The following NPIPB2 variants were observed in gnomAD, a reference collection of about 807,000 sequenced individuals.
The protein encoded by NPIPB2 is nuclear pore complex-interacting protein family member B2.
NPIPB2 carries 27 observed loss-of-function variants against 30.8 expected under a neutral mutation model. The ratio of observed to expected loss-of-function variants is 0.88; its 90% CI spans 0.65 to 1.21. The LOEUF (loss-of-function observed/expected upper bound fraction) is 1.21, where lower values mean the gene tolerates loss of function less well. Among genes scored for constraint, NPIPB2 ranks in the 50% most tolerant of loss-of-function variants. The pLI, the probability that NPIPB2 is intolerant of heterozygous loss-of-function variation, is 0.00. For missense variants in NPIPB2, 440 were observed against 446.2 expected (o/e 0.99, Z 0.13); for synonymous variants, 147 against 162.0 (o/e 0.91, Z 0.70).
intron 1 of NPIPB2, chr16:11,941,328 CG>C (rs201112052): frequency 2.4e-5 from 13 of 539,330 alleles, no homozygotes; most frequent in East Asian, 8.2e-5. Flanking sequence ...GGACAGGGAC[CG>C]GGCCGGATCT....
chr16:11,965,579 A>G (rs2055187089), intron 1 of NPIPB2: 8 of 995,422 alleles, frequency 8.0e-6, no homozygotes, highest in Non-Finnish European at 1.2e-5. Context: ...AGAGAAAGGA[A>G]GCAAGGCAGT....
At chr16:11,941,158 C>A in intron 1 of NPIPB2, 2 of 1,502,194 alleles carry the variant, frequency 1.3e-6, no homozygotes, top group Non-Finnish European at 1.8e-6. Context: ...GCGGGTCCAG[C>A]GTCTACTCAC....
chr16:11,935,559 C>G (rs1326138982), intron 2 of NPIPB2, among the ~76,000 whole-genome samples: 1 of 152,188 alleles, frequency 6.6e-6, no homozygotes, highest in Non-Finnish European at 1.5e-5. Context: ...GATGATCCAT[C>G]TGCTTCAGCC....
intron 1 of NPIPB2, chr16:11,965,178 C>T (rs909541867): frequency 2.1e-6 from 2 of 953,742 alleles, no homozygotes; most frequent in African/African-American, 3.3e-5. Flanking sequence ...CACAGACAGC[C>T]CCCGTAAGAA....
intron 1 of NPIPB2, among the ~76,000 whole-genome samples, chr16:11,955,137 T>G (rs1291240110): frequency 6.6e-6 from 1 of 151,858 alleles, no homozygotes; most frequent in Non-Finnish European, 1.5e-5. Context: ...CATGGTGGAT[T>G]GAGGCCAGGA....
intron 1 of NPIPB2, chr16:11,941,301 G>A (rs1273247272): frequency 6.1e-5 from 81 of 1,336,754 alleles, no homozygotes; most frequent in Middle Eastern, 2.8e-4. Context: ...GGTGGCTTAG[G>A]GCAGGGGGAG....
chr16:11,955,045 G>A (rs2055098338), intron 1 of NPIPB2, among the ~76,000 whole-genome samples: 1 of 151,972 alleles, frequency 6.6e-6, no homozygotes, highest in African/African-American at 2.4e-5. Flanking sequence ...TGCCTCTCCT[G>A]TATTATTTTG....
At chr16:11,940,786 T>G (rs1206914703) in intron 1 of NPIPB2, among the ~76,000 whole-genome samples, 130 of 99,378 alleles carry the variant, frequency 1.3e-3, no homozygotes, top group South Asian at 2.7e-3. Context: ...AAAAAAAAAG[T>G]CATCAAACCA....
At chr16:11,967,321 T>C (rs993057876) in intron 1 of NPIPB2, among the ~76,000 whole-genome samples, 2 of 152,144 alleles carry the variant, frequency 1.3e-5, no homozygotes, top group African/African-American at 4.8e-5. Context: ...TCTTTTTTAC[T>C]GAAAAGATCT....
At chr16:11,956,882 C>T (rs2055116980) in intron 1 of NPIPB2, among the ~76,000 whole-genome samples, 2 of 152,214 alleles carry the variant, frequency 1.3e-5, no homozygotes, top group Non-Finnish European at 2.9e-5. Context: ...AGGACAGGTA[C>T]CCTGCTGACC....
In NPIPB2 at chr16:11,968,931, A is replaced by C. The variant is rs751959722; in HGVS notation, c.-584+7637T>G. On this transcript the variant is annotated intron_variant, in intron 1 of 5. Transcript: ENST00000538896. ...GCCCAGGCTGGAGTGCAGTGGCATG[A>C]TCACAGCTCACTACAACCTCCACCT... is the stretch of plus-strand genomic sequence containing the variant. 6.8e-4 allele frequency among the ~76,000 whole-genome samples: 103 copies of C among 150,762 alleles called. 1 individual carries two copies. The highest frequency in any genetic ancestry group is 3.4e-3 in the Middle Eastern group (1 of 292).
chr16:11,944,471 A>AT (rs2054980995), upstream of NPIPB2, among the ~76,000 whole-genome samples: 1 of 151,654 alleles, frequency 6.6e-6, no homozygotes, highest in African/African-American at 2.4e-5. Context: ...CTGGCCTTAA[A>AT]TTTTTTATAG....
At position 11,961,693 on chromosome 16, in the gene NPIPB2, T is replaced by C. The variant is rs1238588775; in HGVS notation, c.-584+14875A>G. ...TACTAGGGAGGCTGAGGCAAGAGAA[T>C]GGCTTGAACCTGGGAGACGGAGGTT... is the stretch of plus-strand genomic sequence containing the variant. On this transcript the variant is annotated intron_variant, in intron 1 of 5. Transcript: ENST00000538896. Among the ~76,000 whole-genome samples the C allele has an allele frequency of 4.7e-5, 7 of 149,958 alleles. 1 individual carries two copies. The highest frequency in any genetic ancestry group is 2.7e-4 in the Admixed American group (4 of 14,854).
rs142786624 is a variant in NPIPB2, at chr16:11,950,170, T to C, written c.-583-8056A>G. ...GCCTCAGCCTACTGAGTAGGTGGGA[T>C]TACAGACACCTGCCACCACCCCTGG... On this transcript the variant is annotated intron_variant, in intron 1 of 5. Transcript: ENST00000538896. 7.2e-5 allele frequency among the ~76,000 whole-genome samples: 11 copies of C among 152,164 alleles called. No homozygotes were observed. In the East Asian group the frequency reaches 1.7e-3, roughly 24 times the overall value.
At chr16:11,965,166 G>C (rs1327782128) in intron 1 of NPIPB2, 4 of 844,486 alleles carry the variant, frequency 4.7e-6, no homozygotes, top group South Asian at 1.7e-5. Flanking sequence ...CTGCCGCGAA[G>C]ACACAGACAG....
chr16:11,976,057 C>G (rs1340002085), intron 1 of NPIPB2, among the ~76,000 whole-genome samples: 1 of 152,034 alleles, frequency 6.6e-6, no homozygotes, highest in Non-Finnish European at 1.5e-5. Flanking sequence ...CTGGGACCTT[C>G]CTAGAATTAG....
chr16:11,973,917 C>G (rs1422695600), intron 1 of NPIPB2, among the ~76,000 whole-genome samples: 2 of 152,074 alleles, frequency 1.3e-5, no homozygotes, highest in African/African-American at 4.8e-5. Context: ...TGGAATGGAT[C>G]CTGGAATGGA....
At chr16:11,943,356 A>T (rs2054964214), upstream of NPIPB2, among the ~76,000 whole-genome samples, 1 of 152,150 alleles carries the variant, frequency 6.6e-6, no homozygotes, top group Admixed American at 6.5e-5. Context: ...AACAAAAAAC[A>T]GGGTTAACAA....
chr16:11,967,243 C>G (rs1596507751), intron 1 of NPIPB2: 1 of 257,564 alleles, frequency 3.9e-6, no homozygotes, highest in East Asian at 8.3e-5. Flanking sequence ...CACAAGTGAT[C>G]TGCCCGCCTC....
Sources: gnomAD v4.1 joint callset for allele counts (sites outside exome capture counted in the v4.1 genomes callset) on GRCh38, gnomAD v4.1.1 for gene constraint, MANE v1.5 for transcripts, NCBI Gene and HGNC (gene_info 2026-07-23, HGNC 2026-07-21) for gene names.